The following HEMK2 variants were observed in gnomAD, a reference collection of about 807,000 sequenced individuals.
HEMK2 encodes methyltransferase HEMK2.
At chr21:28,747,480 G>C in the HEMK2 span, among the ~76,000 whole-genome samples, 1 of 152,152 alleles carries the variant, frequency 6.6e-6, no homozygotes, top group East Asian at 1.9e-4. Context: ...ATTAATTTGG[G>C]GGATCCTGTG....
At chr21:28,737,305 A>G in the HEMK2 span, among the ~76,000 whole-genome samples, 6 of 152,238 alleles carry the variant, frequency 3.9e-5, no homozygotes, top group African/African-American at 1.4e-4. Context: ...TTGTATTTTT[A>G]GTAGAGATGG....
chr21:28,659,924 G>A, the HEMK2 span, among the ~76,000 whole-genome samples: 1 of 151,980 alleles, frequency 6.6e-6, no homozygotes, highest in African/African-American at 2.4e-5. Flanking sequence ...AAATCAATTT[G>A]GGGAGAATTG....
chr21:28,804,934 TCTACAGAAAC>T, the HEMK2 span, among the ~76,000 whole-genome samples: 1 of 152,200 alleles, frequency 6.6e-6, no homozygotes, highest in Non-Finnish European at 1.5e-5. Flanking sequence ...GTTTCTTAAA[TCTACAGAAAC>T]CTGGGTTGTC....
the HEMK2 span, among the ~76,000 whole-genome samples, chr21:28,841,288 A>ATATATTATATATAATATATAT: frequency 9.7e-4 from 6 of 6,182 alleles, no homozygotes; most frequent in African/African-American, 9.5e-3. Flanking sequence ...TATATATAAT[A>ATATATTATATATAATATATAT]TATATTATAT....
the HEMK2 span, among the ~76,000 whole-genome samples, chr21:28,696,553 T>C: frequency 6.6e-6 from 1 of 152,268 alleles, no homozygotes; most frequent in Non-Finnish European, 1.5e-5. Context: ...TGAGTTTCTG[T>C]AGCTTTTCTA....
chr21:28,707,552 G>A, the HEMK2 span, among the ~76,000 whole-genome samples: 6 of 152,022 alleles, frequency 3.9e-5, no homozygotes, highest in East Asian at 3.9e-4. Flanking sequence ...CACCACACTC[G>A]ATGTAAATAT....
At chr21:28,709,435 G>C in the HEMK2 span, among the ~76,000 whole-genome samples, 3 of 152,078 alleles carry the variant, frequency 2.0e-5, no homozygotes, top group Non-Finnish European at 4.4e-5. Flanking sequence ...TCATAATATA[G>C]GATGGAACTT....
chr21:28,848,865 C>T, the HEMK2 span, among the ~76,000 whole-genome samples: 1 of 152,176 alleles, frequency 6.6e-6, no homozygotes, highest in Non-Finnish European at 1.5e-5. Flanking sequence ...AGTATCCCAC[C>T]CCAGTCACTG....
the HEMK2 span, among the ~76,000 whole-genome samples, chr21:28,849,187 GGCCCAGTACCA>G: frequency 6.6e-6 from 1 of 152,058 alleles, no homozygotes; most frequent in Non-Finnish European, 1.5e-5. Context: ...AAAAGCCAGG[GGCCCAGTACCA>G]GCCCCCCAGA....
chr21:28,820,624 C>T, the HEMK2 span, among the ~76,000 whole-genome samples: 5 of 152,194 alleles, frequency 3.3e-5, no homozygotes, highest in African/African-American at 1.2e-4. Context: ...GACAATCACT[C>T]TGAGATTCCC....
the HEMK2 span, among the ~76,000 whole-genome samples, chr21:28,648,611 T>C: frequency 6.6e-6 from 1 of 152,134 alleles, no homozygotes; most frequent in African/African-American, 2.4e-5. Flanking sequence ...GAAGAGACTT[T>C]TGAGATCATT....
the HEMK2 span, among the ~76,000 whole-genome samples, chr21:28,865,713 T>C: frequency 1.3e-5 from 2 of 152,056 alleles, no homozygotes; most frequent in Non-Finnish European, 2.9e-5. Flanking sequence ...CATGCACTCT[T>C]CCCTCTGCTG....
chr21:28,863,974 T>G, the HEMK2 span, among the ~76,000 whole-genome samples: 7 of 152,240 alleles, frequency 4.6e-5, no homozygotes, highest in South Asian at 1.5e-3. Flanking sequence ...ACTACAGGTG[T>G]GTACCACCAC....
chr21:28,601,379 T>A, the HEMK2 span, among the ~76,000 whole-genome samples: 1 of 152,232 alleles, frequency 6.6e-6, no homozygotes, highest in Non-Finnish European at 1.5e-5. Flanking sequence ...CCTGGCTTTC[T>A]ACACCTACTG....
At chr21:28,749,760 G>C in the HEMK2 span, among the ~76,000 whole-genome samples, 3 of 152,118 alleles carry the variant, frequency 2.0e-5, no homozygotes, top group South Asian at 6.2e-4. Context: ...CATGGCTCTC[G>C]GCCAATTTAA....
the HEMK2 span, among the ~76,000 whole-genome samples, chr21:28,754,445 G>A: frequency 2.0e-4 from 31 of 152,300 alleles, no homozygotes; most frequent in African/African-American, 7.5e-4. Flanking sequence ...ATTTGGCAGA[G>A]TGAGGCTGAT....
chr21:28,752,864 C>A, the HEMK2 span, among the ~76,000 whole-genome samples: 1 of 152,216 alleles, frequency 6.6e-6, no homozygotes, highest in Non-Finnish European at 1.5e-5. Flanking sequence ...TGTCATGACA[C>A]AGAGGGCCAC....
At chr21:28,752,375 G>A in the HEMK2 span, among the ~76,000 whole-genome samples, 1 of 152,138 alleles carries the variant, frequency 6.6e-6, no homozygotes, top group African/African-American at 2.4e-5. Flanking sequence ...CTCACTTGAC[G>A]GAGCACATCA....
At chr21:28,838,972 A>AAAAAAAAAAATATATATATATATATATAT in the HEMK2 span, among the ~76,000 whole-genome samples, 2 of 29,160 alleles carry the variant, frequency 6.9e-5, no homozygotes, top group African/African-American at 1.9e-4. Context: ...AAAAAAAAAA[A>AAAAAAAAAAATATATATATATATATATAT]ATATATATAT....
Sources: gnomAD v4.1 joint callset for allele counts (sites outside exome capture counted in the v4.1 genomes callset) on GRCh38, gnomAD v4.1.1 for gene constraint, MANE v1.5 for transcripts, NCBI Gene and HGNC (gene_info 2026-07-23, HGNC 2026-07-21) for gene names.